The following CTNNA3 variants were observed in gnomAD, a reference collection of about 807,000 sequenced individuals.
The protein encoded by CTNNA3 is catenin alpha-3.
In CTNNA3, 76 loss-of-function variants were observed where a neutral mutation model predicts 95.7. The ratio of observed to expected loss-of-function variants is 0.79; its 90% CI spans 0.66 to 0.96. CTNNA3 has a LOEUF of 0.96. Among genes scored for constraint, CTNNA3 ranks in the 40% least tolerant of loss-of-function variants. The pLI is 0.00. For missense variants in CTNNA3, 1,191 were observed against 1,089.8 expected, an observed-to-expected ratio of 1.09 and a Z score of -1.31; for synonymous variants, 431 against 374.4, an observed-to-expected ratio of 1.15 and a Z score of -1.74.
intron 6 of CTNNA3, among the ~76,000 whole-genome samples, chr10:67,216,406 T>C (rs1022551294): frequency 2.0e-5 from 3 of 152,144 alleles, no homozygotes; most frequent in Admixed American, 2.0e-4. Flanking sequence ...AAAGTTAAAG[T>C]AGAGCCATAT....
intron 3 of CTNNA3, among the ~76,000 whole-genome samples, chr10:67,543,659 T>A (rs1469156235): frequency 6.6e-6 from 1 of 152,160 alleles, no homozygotes; most frequent in Non-Finnish European, 1.5e-5. Flanking sequence ...AATATATGCA[T>A]CTGTCCAAGT....
intron 9 of CTNNA3, among the ~76,000 whole-genome samples, chr10:66,749,972 T>C (rs1839064997): frequency 6.6e-6 from 1 of 152,230 alleles, no homozygotes; most frequent in South Asian, 2.1e-4. Flanking sequence ...TATATGATGT[T>C]GAACATCTTT....
intron 1 of CTNNA3, among the ~76,000 whole-genome samples, chr10:67,748,679 G>A (rs916046318): frequency 6.6e-6 from 1 of 152,170 alleles, no homozygotes; most frequent in Non-Finnish European, 1.5e-5. Flanking sequence ...ATGACATTTT[G>A]AAGAAACTGC....
chr10:67,190,351 A>G (rs1019761218), intron 6 of CTNNA3, among the ~76,000 whole-genome samples: 1 of 152,018 alleles, frequency 6.6e-6, no homozygotes, highest in African/African-American at 2.4e-5. Context: ...AACACTTTGT[A>G]TTTTCTCTGA....
At chr10:67,727,931 T>C (rs1013124932) in intron 1 of CTNNA3, among the ~76,000 whole-genome samples, 2 of 135,738 alleles carry the variant, frequency 1.5e-5, no homozygotes, top group African/African-American at 5.5e-5. Flanking sequence ...TATTACATAT[T>C]ATATTATGTA....
chr10:66,954,488 G>A (rs533554163), intron 7 of CTNNA3, among the ~76,000 whole-genome samples: 23 of 152,206 alleles, frequency 1.5e-4, no homozygotes, highest in East Asian at 5.8e-4. Context: ...GCACTACACG[G>A]TCCCGCAATG....
chr10:66,239,236 T>G (rs1435326580), intron 13 of CTNNA3, among the ~76,000 whole-genome samples: 1 of 151,744 alleles, frequency 6.6e-6, no homozygotes. Context: ...ATAATTACAT[T>G]TTATTTTAAT....
intron 7 of CTNNA3, among the ~76,000 whole-genome samples, chr10:66,996,553 CAGG>C (rs748185390): frequency 2.2e-4 from 31 of 143,030 alleles, no homozygotes; most frequent in East Asian, 2.0e-3. Context: ...GAGGCTGAGG[CAGG>C]AGAATTGCTT....
chr10:66,164,774 A>G (rs2085038059), intron 13 of CTNNA3, among the ~76,000 whole-genome samples: 1 of 152,188 alleles, frequency 6.6e-6, no homozygotes, highest in Admixed American at 6.6e-5. Context: ...ACCTAATAAT[A>G]TCAATTGATC....
intron 11 of CTNNA3, among the ~76,000 whole-genome samples, chr10:66,393,807 G>T (rs938467063): frequency 9.9e-5 from 15 of 151,974 alleles, no homozygotes; most frequent in African/African-American, 3.6e-4. Context: ...TATAGTTGGA[G>T]CAAAATAGAG....
chr10:67,268,585 A>C (rs574707813), intron 5 of CTNNA3, among the ~76,000 whole-genome samples: 1 of 152,190 alleles, frequency 6.6e-6, no homozygotes, highest in East Asian at 1.9e-4. Flanking sequence ...ACTTTTTAAT[A>C]AGGTCACATT....
At chr10:67,510,323 CT>C (rs1375689455) in intron 5 of CTNNA3, among the ~76,000 whole-genome samples, 10 of 152,132 alleles carry the variant, frequency 6.6e-5, no homozygotes, top group Admixed American at 3.9e-4. Flanking sequence ...GGTTTTAGGT[CT>C]AACATTTAAG....
At chr10:67,488,688 T>TTTTTTA (rs769875749) in intron 5 of CTNNA3, among the ~76,000 whole-genome samples, 1 of 150,206 alleles carries the variant, frequency 6.7e-6, no homozygotes, top group Non-Finnish European at 1.5e-5. Flanking sequence ...TTTTTTTTTT[T>TTTTTTA]GAGACAAAGT....
intron 7 of CTNNA3, among the ~76,000 whole-genome samples, chr10:67,107,895 C>T (rs1332383293): frequency 6.6e-6 from 1 of 152,172 alleles, no homozygotes; most frequent in Non-Finnish European, 1.5e-5. Context: ...AGCGGCCAAG[C>T]AGGAAGTGCT....
At chr10:67,275,278 C>G (rs1839143574) in intron 5 of CTNNA3, among the ~76,000 whole-genome samples, 1 of 152,012 alleles carries the variant, frequency 6.6e-6, no homozygotes, top group African/African-American at 2.4e-5. Flanking sequence ...GCTAAATAAC[C>G]ACACGTGCAC....
chr10:67,322,905 T>C (rs1017458522), intron 5 of CTNNA3, among the ~76,000 whole-genome samples: 4 of 152,212 alleles, frequency 2.6e-5, no homozygotes, highest in African/African-American at 9.6e-5. Context: ...TTTTTAACAA[T>C]AGCCATTCTG....
At chr10:67,034,148 A>C (rs900781527) in intron 7 of CTNNA3, among the ~76,000 whole-genome samples, 2 of 152,080 alleles carry the variant, frequency 1.3e-5, no homozygotes, top group African/African-American at 4.8e-5. Flanking sequence ...TAATTACCTA[A>C]CTAGTGCCAA....
chr10:66,363,732 A>G (rs1360859240), intron 12 of CTNNA3, among the ~76,000 whole-genome samples: 1 of 152,200 alleles, frequency 6.6e-6, no homozygotes, highest in East Asian at 1.9e-4. Context: ...TTTATGTTTT[A>G]TATATTGCAC....
chr10:67,111,506 T>C (rs905037048), intron 7 of CTNNA3, among the ~76,000 whole-genome samples: 9 of 152,072 alleles, frequency 5.9e-5, no homozygotes, highest in African/African-American at 1.9e-4. Flanking sequence ...CCTTGAATAA[T>C]GAAGGTCTTG....
Sources: allele counts gnomAD v4.1 joint callset (sites outside exome capture counted in the v4.1 genomes callset), GRCh38; gene constraint gnomAD v4.1.1; transcripts MANE v1.5; gene names NCBI Gene and HGNC (gene_info 2026-07-23, HGNC 2026-07-21).